Variants in PPP1CA observed in about 807,000 individuals in gnomAD.
PPP1CA encodes serine/threonine-protein phosphatase PP1-alpha catalytic subunit.
Under a neutral mutation model 38.5 loss-of-function variants are expected in PPP1CA, and 14 were observed. The observed-to-expected ratio is 0.36, with a 90% confidence interval of 0.24 to 0.57. The LOEUF is 0.57. Ranked by LOEUF, PPP1CA falls within the 20% of genes least tolerant of loss-of-function variation. PPP1CA has a pLI of 0.80. For missense variants in PPP1CA, 277 were observed against 435.2 expected, an observed-to-expected ratio of 0.64 and a Z score of 3.23; for synonymous variants, 200 against 177.3, an observed-to-expected ratio of 1.13 and a Z score of -1.02.
chr11:67,398,459 T>G lies in PPP1CA; in HGVS notation c.*76A>C, dbSNP rs1590934635. On this transcript the variant is annotated 3_prime_UTR_variant, in exon 7 of 7. Coordinates refer to ENST00000376745, the MANE Select transcript of PPP1CA (RefSeq NM_002708.4). ...GACAGGTGGGCCTGAGGGGTCGGGG[T>G]GACCCCCCCCCAGCATGGCAGCATG... 6.9e-7 allele frequency: 1 copy of G among 1,450,384 alleles called. No individual in the cohort carries two copies. Among genetic ancestry groups the G allele is most frequent in the East Asian group, 2.3e-5 (1 of 43,404 alleles). The allele number at this position is 1,450,384 out of a possible 1,614,324, so 89.8% of individuals were successfully genotyped here.
chr11:67,401,677 G>A (rs1862894326), intron 1 of PPP1CA, 51 bp downstream of exon 1: 2 of 1,310,654 alleles, frequency 1.5e-6, no homozygotes, highest in South Asian at 4.2e-5. Context: ...CTTCCGGGCC[G>A]GGCAGGGGGC....
chr11:67,400,874 T>C lies in PPP1CA; in HGVS notation c.233A>G (p.Tyr78Cys). Reference sequence around the variant, plus strand: ...GTTGCTCTCGGGAGGGAAACCGCCATACTCAAATAGTCGCAGAAGGTCGTA... The same window carrying C: ...GTTGCTCTCGGGAGGGAAACCGCCACACTCAAATAGTCGCAGAAGGTCGTA... ...QYYDLLRLFE[Y>C]GGFPPESNYL... is the part of the protein sequence containing the mutation. Residue 78 changes from tyrosine (Y) to cysteine (C), a missense_variant, in exon 3 of 7, where the codon TAT (tyrosine) becomes TGT (cysteine). By Grantham distance (194) the Tyr-to-Cys change is radical. Around this residue, in one of 3 missense-constraint regions of PPP1CA, gnomAD observed 180 missense variants for 356.7 expected, o/e 0.50. Coordinates refer to ENST00000376745, the MANE Select transcript of PPP1CA (RefSeq NM_002708.4). 1.2e-6 allele frequency: 2 copies of C among 1,614,090 alleles called. No homozygotes were observed. The highest frequency in any genetic ancestry group is 1.1e-5 in the South Asian group (1 of 91,076).
chr11:67,398,844 C>T lies in PPP1CA; in HGVS notation c.760G>A (p.Gly254Ser). 4 of 1,612,878 alleles carry T rather than the reference C, an allele frequency of 2.5e-6. No homozygotes were observed. The highest frequency in any genetic ancestry group is 1.1e-5 in the South Asian group (1 of 91,086). The change falls in exon 6 of 7, where the codon GGC becomes AGC. Residue 254 changes from glycine to serine, a missense_variant. Around this residue, in one of 3 missense-constraint regions of PPP1CA, gnomAD observed 180 missense variants for 356.7 expected, o/e 0.50. Coordinates refer to ENST00000376745, the MANE Select transcript of PPP1CA (RefSeq NM_002708.4). The stretch of plus-strand genomic sequence containing the variant: ...TGCCGCTTGGCAAAGAACTCGTAGC[C>T]GTCTTCTACCACCTGGGCGAGGATG... ...ICRAHQVVED[G>S]YEFFAKRQLV...
intron 1 of PPP1CA, chr11:67,401,513 G>T: frequency 1.8e-6 from 1 of 561,360 alleles, no homozygotes. Flanking sequence ...CAACCCGTGC[G>T]CCCCCAGCCC....
At position 67,400,915 on chromosome 11, in the gene PPP1CA, G is replaced by A; in HGVS notation, c.192C>T (p.Asp64=). 6.2e-7 allele frequency: 1 copy of A among 1,614,006 alleles called. No homozygotes were observed. The highest frequency in any genetic ancestry group is 1.1e-5 in the South Asian group (1 of 91,082). Residue 64 remains aspartate, a synonymous_variant, in exon 3 of 7, where the codon GAC becomes GAT. Transcript: ENST00000376745. ...ELEAPLKICG[D]IHGQYYDLLR... Reference sequence around the variant, plus strand: ...GAAGGTCGTAGTACTGGCCGTGTATGTCACCTGTGACCCAGGGAACCGGGT... The same window carrying A: ...GAAGGTCGTAGTACTGGCCGTGTATATCACCTGTGACCCAGGGAACCGGGT...
rs868071002 is a variant in PPP1CA, at chr11:67,398,374, G to A, written c.*161C>T. 8 of 713,884 alleles carry A rather than the reference G, an allele frequency of 1.1e-5. No individual in the cohort carries two copies. The highest frequency in any genetic ancestry group is 3.6e-5 in the African/African-American group (2 of 55,936). The allele number at this position is 713,884 out of a possible 1,614,324, so 44.2% of individuals were successfully genotyped here. A position where few individuals can be genotyped will look rare whatever the true frequency, so the allele number is the denominator to read the frequency against. On this transcript the variant is annotated 3_prime_UTR_variant, in exon 7 of 7. Coordinates refer to ENST00000376745, the MANE Select transcript of PPP1CA (RefSeq NM_002708.4). ...AGGAAGCAGCCCTGGGGGACTGGAC[G>A]CTGCTATTGATTCATTAAAAAAAGA...
chr11:67,401,848 C>T lies in PPP1CA; in HGVS notation c.-66G>A. The T allele has an allele frequency of 1.6e-6, 2 of 1,273,980 alleles. No homozygotes were observed. Among genetic ancestry groups the T allele is most frequent in the Non-Finnish European group, 2.0e-6 (2 of 992,748 alleles). 78.9% of individuals were successfully genotyped at this position (1,273,980 alleles called of 1,614,324 possible). A position where few individuals can be genotyped will look rare whatever the true frequency, so the allele number is the denominator to read the frequency against. The stretch of plus-strand genomic sequence containing the variant: ...CCTGCCTCCCGCCCTCCGGCAGCCT[C>T]CTTCCGGCCTGGCTCTCCTTCCGCC... On this transcript the variant is annotated 5_prime_UTR_variant, in exon 1 of 7. Transcript: ENST00000376745.
chr11:67,401,450 ACC>A lies in PPP1CA; in HGVS notation c.56-253_56-252del, dbSNP rs950119110. ...GCCACCAAAAACCTCACAGCGCAGG[ACC>A]CCTTCCTGGACCGGGCTTCCCGGGT... On this transcript the variant is annotated intron_variant, in intron 1 of 6. Transcript: ENST00000376745. 1.5e-5 allele frequency: 10 copies of A among 648,168 alleles called. No homozygotes were observed. The Admixed American group carries it at 2.4e-4, about 16-fold the overall frequency. The allele number at this position is 648,168 out of a possible 1,614,324, so 40.2% of individuals were successfully genotyped here. A position where few individuals can be genotyped will look rare whatever the true frequency, so the allele number is the denominator to read the frequency against.
rs776107977 is a variant in PPP1CA, at chr11:67,401,794, C to G, written c.-12G>C. ...TCGCTGTCGGACATGGCGGCGCCGC[C>G]GCTCCAGCCCAGCAGCTCCTGGCCC... is the stretch of plus-strand genomic sequence containing the variant. On this transcript the variant is annotated 5_prime_UTR_variant, in exon 1 of 7. Transcript: ENST00000376745. 7.5e-6 allele frequency: 11 copies of G among 1,466,062 alleles called. No homozygotes were observed. The highest frequency in any genetic ancestry group is 1.0e-5 in the Non-Finnish European group (11 of 1,099,430). The allele number at this position is 1,466,062 out of a possible 1,614,324, so 90.8% of individuals were successfully genotyped here.
At chr11:67,400,605 A>G (rs547726327) in intron 3 of PPP1CA, 84 bp downstream of exon 3, 12 of 1,326,272 alleles carry the variant, frequency 9.0e-6, no homozygotes, top group South Asian at 1.2e-5. Context: ...TGTCTGTCAG[A>G]TATCAGGCCA....
At chr11:67,401,654 C>A in intron 1 of PPP1CA, 74 bp downstream of exon 1, 2 of 1,218,504 alleles carry the variant, frequency 1.6e-6, no homozygotes, top group Non-Finnish European at 2.1e-6. Flanking sequence ...CCCGGGGGCC[C>A]GCCCGCGCGC....
At chr11:67,399,428 G>C in intron 4 of PPP1CA, 133 bp downstream of exon 4, 2 of 811,878 alleles carry the variant, frequency 2.5e-6, no homozygotes, top group Non-Finnish European at 4.0e-6. Flanking sequence ...AAGGAAGTGA[G>C]TGCAGCCCAG....
chr11:67,401,660 C>A, intron 1 of PPP1CA, 68 bp downstream of exon 1: 1 of 1,231,594 alleles, frequency 8.1e-7, no homozygotes. Flanking sequence ...GGCCCGCCCG[C>A]GCGCCACTTC....
In PPP1CA at chr11:67,401,763, A is replaced by G. The variant is rs758536530; in HGVS notation, c.20T>C (p.Leu7Pro). 4 of 1,475,616 alleles carry G rather than the reference A, an allele frequency of 2.7e-6. No homozygotes were observed. The highest frequency in any genetic ancestry group is 3.6e-6 in the Non-Finnish European group (4 of 1,103,774). 91.4% of individuals were successfully genotyped at this position (1,475,616 alleles called of 1,614,324 possible). Residue 7 changes from leucine (L) to proline (P), a missense_variant, in exon 1 of 7, where the codon CTC becomes CCC. By Grantham distance (98) the Leu-to-Pro change is moderately conservative (BLOSUM62 -3). Around this residue, in one of 3 missense-constraint regions of PPP1CA, gnomAD observed 44 missense variants for 27.4 expected, o/e 1.60. Coordinates refer to ENST00000376745, the MANE Select transcript of PPP1CA (RefSeq NM_002708.4). MSDSEK[L>P]NLDSIIGRLL... ...GCGCCCGATGATCGAGTCCAGGTTG[A>G]GCTTCTCGCTGTCGGACATGGCGGC...
At position 67,401,806 on chromosome 11, in the gene PPP1CA, G is replaced by A. The variant is rs771780202; in HGVS notation, c.-24C>T. The A allele has an allele frequency of 5.5e-6, 8 of 1,454,412 alleles. No homozygotes were observed. Among genetic ancestry groups the A allele is most frequent in the Non-Finnish European group, 6.4e-6 (7 of 1,093,518 alleles). 90.1% of individuals were successfully genotyped at this position (1,454,412 alleles called of 1,614,324 possible). A position where few individuals can be genotyped will look rare whatever the true frequency, so the allele number is the denominator to read the frequency against. On this transcript the variant is annotated 5_prime_UTR_variant, in exon 1 of 7. Coordinates refer to ENST00000376745, the MANE Select transcript of PPP1CA (RefSeq NM_002708.4). ...ATGGCGGCGCCGCCGCTCCAGCCCA[G>A]CAGCTCCTGGCCCGCTCCTGCCTCC... is the stretch of plus-strand genomic sequence containing the variant.
rs1565120144 is a variant in PPP1CA, at chr11:67,398,288, C to CCA, written c.*246_*247insTG. ...GCTGGAGACCCACGACCTGGCCTGC[C>CCA]GTTGCCCTGAGCTGCAGCCTCGGCC... On this transcript the variant is annotated 3_prime_UTR_variant, in exon 7 of 7. Coordinates refer to ENST00000376745, the MANE Select transcript of PPP1CA (RefSeq NM_002708.4). 3 of 535,894 alleles carry CCA rather than the reference C, an allele frequency of 5.6e-6. No homozygotes were observed. Among genetic ancestry groups the CCA allele is most frequent in the Admixed American group, 3.6e-5 (1 of 28,038 alleles). The allele number at this position is 535,894 out of a possible 1,614,324, so 33.2% of individuals were successfully genotyped here.
At chr11:67,400,024 C>T (rs1862846727) in intron 3 of PPP1CA, among the ~76,000 whole-genome samples, 1 of 152,186 alleles carries the variant, frequency 6.6e-6, no homozygotes, top group South Asian at 2.1e-4. Context: ...GTAATCCCAG[C>T]TACTTGGGAG....
intron 3 of PPP1CA, 47 bp downstream of exon 3, chr11:67,400,642 G>T: frequency 6.4e-7 from 1 of 1,550,572 alleles, no homozygotes; most frequent in South Asian, 1.1e-5. Flanking sequence ...GAATGGCAAA[G>T]AGTGCGGTTC....
At chr11:67,399,409 A>C (rs1296203511) in intron 4 of PPP1CA, 152 bp downstream of exon 4, 1 of 738,808 alleles carries the variant, frequency 1.4e-6, no homozygotes, top group Non-Finnish European at 2.3e-6. Context: ...TCCATGTAGG[A>C]CACACATCAA....
Sources: allele counts gnomAD v4.1 joint callset (sites outside exome capture counted in the v4.1 genomes callset), GRCh38; gene constraint gnomAD v4.1.1; regional missense constraint gnomAD v4.1.1; transcripts MANE v1.5; gene names NCBI Gene and HGNC (gene_info 2026-07-23, HGNC 2026-07-21).